SGK1: variants seen among roughly 807,000 people sequenced by gnomAD.
SGK1 encodes the protein serum/glucocorticoid regulated kinase 1.
SGK1 carries 26 observed loss-of-function variants against 64.2 expected under a neutral mutation model. The observed-to-expected ratio is 0.40, with a 90% CI of 0.30 to 0.56. The LOEUF (loss-of-function observed/expected upper bound fraction) is 0.56. Among genes scored for constraint, SGK1 ranks in the 20% least tolerant of loss-of-function variants. The pLI, the probability that SGK1 is intolerant of heterozygous loss-of-function variation, is 0.38. For missense variants in SGK1, 519 were observed against 645.6 expected, an observed-to-expected ratio of 0.80 and a Z score of 2.12; for synonymous variants, 265 against 239.7, an observed-to-expected ratio of 1.11 and a Z score of -0.98.
At chr6:134,203,567 A>G (rs187795317) in intron 3 of SGK1, among the ~76,000 whole-genome samples, 1 of 152,344 alleles carries the variant, frequency 6.6e-6, no homozygotes, top group African/African-American at 2.4e-5. Context: ...TGATGTCTAT[A>G]AGATAAGCAC....
rs1334270475 is a variant in SGK1, at chr6:134,171,122, A to C, written c.1224T>G (p.Pro408=). 2 of 1,613,994 alleles carry C rather than the reference A, an allele frequency of 1.2e-6. No homozygotes were observed. The highest frequency in any genetic ancestry group is 1.7e-6 in the Non-Finnish European group (2 of 1,180,028). Reference sequence around the variant, plus strand: ...TTGTAATATTTGGTTTCAGCTGGAGAGGCTTGTTCAGAATGTTGTCGTACA... The same window carrying C: ...TTGTAATATTTGGTTTCAGCTGGAGCGGCTTGTTCAGAATGTTGTCGTACA... ...AEMYDNILNK[P]LQLKPNITNS... The change falls in exon 12 of 14, where the codon CCT becomes CCG. Residue 408 remains proline (P), a synonymous_variant. Coordinates refer to ENST00000367858, the MANE Select transcript of SGK1 (RefSeq NM_001143676.3).
At chr6:134,204,566 T>C (rs934418795) in intron 3 of SGK1, among the ~76,000 whole-genome samples, 12 of 151,712 alleles carry the variant, frequency 7.9e-5, no homozygotes, top group African/African-American at 2.9e-4. Context: ...TTTTTTTTTT[T>C]TTTTGAGATG....
intron 1 of SGK1, among the ~76,000 whole-genome samples, chr6:134,292,388 T>A (rs139133921): frequency 6.6e-6 from 1 of 150,816 alleles, no homozygotes; most frequent in Admixed American, 6.6e-5. Context: ...AAGTCAGGAG[T>A]TCAAGACCAG....
At chr6:134,218,045 A>G (rs912995663) in intron 2 of SGK1, among the ~76,000 whole-genome samples, 3 of 152,216 alleles carry the variant, frequency 2.0e-5, no homozygotes, top group Admixed American at 6.5e-5. Flanking sequence ...TCAAATGTCT[A>G]TTAAATCAAA....
At chr6:134,229,950 G>A (rs1582729192) in intron 2 of SGK1, among the ~76,000 whole-genome samples, 3 of 151,878 alleles carry the variant, frequency 2.0e-5, no homozygotes, top group South Asian at 2.1e-4. Context: ...TTAACACTTT[G>A]TTCTCAACTT....
At chr6:134,246,662 G>A (rs1242501063) in intron 2 of SGK1, among the ~76,000 whole-genome samples, 2 of 151,482 alleles carry the variant, frequency 1.3e-5, no homozygotes, top group East Asian at 1.9e-4. Flanking sequence ...GTGTGATCTC[G>A]GCTCACTGCA....
chr6:134,172,942 C>G, intron 8 of SGK1, 81 bp downstream of exon 8: 2 of 1,494,650 alleles, frequency 1.3e-6, no homozygotes, highest in Non-Finnish European at 9.1e-7. Flanking sequence ...CACCAAAAAT[C>G]TTTGAAAACT....
chr6:134,173,390 A>G (rs1775097204), intron 6 of SGK1, 33 bp from the exon 7 acceptor site: 2 of 1,594,040 alleles, frequency 1.3e-6, no homozygotes, highest in South Asian at 1.1e-5. Context: ...TCATTTTTCT[A>G]TCCTCATCCA....
intron 1 of SGK1, among the ~76,000 whole-genome samples, chr6:134,294,464 G>A (rs957218297): frequency 6.6e-6 from 1 of 152,110 alleles, no homozygotes; most frequent in Admixed American, 6.6e-5. Flanking sequence ...ACTACTCTAA[G>A]TACCTCATGT....
chr6:134,200,386 A>G (rs1328495431), intron 3 of SGK1, among the ~76,000 whole-genome samples: 7 of 152,190 alleles, frequency 4.6e-5, no homozygotes, highest in Non-Finnish European at 1.0e-4. Context: ...TGTTTTTCCA[A>G]CTGTATACCA....
intron 2 of SGK1, among the ~76,000 whole-genome samples, chr6:134,222,810 A>G (rs1776111229): frequency 6.6e-6 from 1 of 152,198 alleles, no homozygotes; most frequent in African/African-American, 2.4e-5. Flanking sequence ...TCTTGCACTC[A>G]TCAAAAGCAT....
At chr6:134,298,237 C>A (rs373414674) in intron 1 of SGK1, 1 of 1,576,378 alleles carries the variant, frequency 6.3e-7, no homozygotes, top group South Asian at 1.1e-5. Flanking sequence ...CTCCTGGCCC[C>A]GAGTCTCCAG....
chr6:134,310,777 G>A (rs1275267570), intron 1 of SGK1, among the ~76,000 whole-genome samples: 5 of 152,048 alleles, frequency 3.3e-5, no homozygotes, highest in African/African-American at 7.2e-5. Context: ...TAGTAGAGAC[G>A]GGATTTCACC....
intron 2 of SGK1, among the ~76,000 whole-genome samples, chr6:134,252,616 C>CAAAAAAAAAAAAAAAA (rs11418007): frequency 4.5e-5 from 3 of 66,000 alleles, no homozygotes; most frequent in African/African-American, 1.9e-4. Flanking sequence ...GATTCCACCT[C>CAAAAAAAAAAAAAAAA]AAAAAAAAAA....
chr6:134,300,664 G>A (rs1485751913), intron 1 of SGK1, among the ~76,000 whole-genome samples: 12 of 127,202 alleles, frequency 9.4e-5, no homozygotes, highest in African/African-American at 2.9e-4. Context: ...ATGGAGTCTC[G>A]CTCTGTTGCC....
intron 1 of SGK1, among the ~76,000 whole-genome samples, chr6:134,294,867 G>A (rs1777322192): frequency 6.6e-6 from 1 of 152,250 alleles, no homozygotes; most frequent in East Asian, 1.9e-4. Context: ...AAAGTCTAGA[G>A]GAAAGCTAAT....
At chr6:134,281,665 A>T (rs1394031590) in intron 1 of SGK1, among the ~76,000 whole-genome samples, 2 of 151,908 alleles carry the variant, frequency 1.3e-5, no homozygotes, top group Non-Finnish European at 2.9e-5. Context: ...CTACAGGTGC[A>T]CCACCACACC....
intron 2 of SGK1, among the ~76,000 whole-genome samples, chr6:134,217,086 G>A (rs1192497401): frequency 6.6e-6 from 1 of 152,216 alleles, no homozygotes; most frequent in Non-Finnish European, 1.5e-5. Flanking sequence ...CAGGAGCTGA[G>A]GGGATCAGGG....
At chr6:134,209,160 G>C (rs991207746) in intron 2 of SGK1, among the ~76,000 whole-genome samples, 6 of 152,104 alleles carry the variant, frequency 3.9e-5, no homozygotes. Context: ...CAGGCCAGGC[G>C]TGGTGGCTCA....
Sources: allele counts gnomAD v4.1 joint callset (sites outside exome capture counted in the v4.1 genomes callset), GRCh38; gene constraint gnomAD v4.1.1; transcripts MANE v1.5; gene names NCBI Gene and HGNC (gene_info 2026-07-23, HGNC 2026-07-21).